The following PRMT8 variants were observed in gnomAD, a reference collection of about 807,000 sequenced individuals.
The protein encoded by PRMT8 is protein arginine methyltransferase 8.
Under a neutral mutation model 47.1 loss-of-function variants are expected in PRMT8, and 7 were observed. That is an observed-to-expected ratio of 0.15 (90% CI 0.08 to 0.28). PRMT8 has a LOEUF of 0.28. Among genes scored for constraint, PRMT8 ranks in the 10% least tolerant of loss-of-function variants. The probability of loss-of-function intolerance (pLI) is 1.00; values close to 1 mark genes in which losing one functional copy is unlikely to be tolerated. For missense variants in PRMT8, 237 were observed against 505.4 expected (o/e 0.47, Z 5.09); for synonymous variants, 188 against 186.5 (o/e 1.01, Z -0.07).
At chr12:3,506,755 G>T (rs552112842) in intron 1 of PRMT8, among the ~76,000 whole-genome samples, 1 of 152,140 alleles carries the variant, frequency 6.6e-6, no homozygotes, top group Non-Finnish European at 1.5e-5. Context: ...GCTGTCTCAG[G>T]CTTCTCTCAG....
At chr12:3,403,769 C>T (rs767252571) in intron 1 of PRMT8, among the ~76,000 whole-genome samples, 3 of 147,328 alleles carry the variant, frequency 2.0e-5, no homozygotes, top group Non-Finnish European at 4.5e-5. Flanking sequence ...CCCAGCTACT[C>T]GGGAAGCTGA....
chr12:3,426,978 G>T (rs1864612423), intron 1 of PRMT8, among the ~76,000 whole-genome samples: 1 of 152,106 alleles, frequency 6.6e-6, no homozygotes, highest in South Asian at 2.1e-4. Flanking sequence ...TCTAGGGGTG[G>T]TGCATGTGCT....
chr12:3,421,419 G>GT (rs1864539473), intron 1 of PRMT8, among the ~76,000 whole-genome samples: 1 of 152,208 alleles, frequency 6.6e-6, no homozygotes, highest in Non-Finnish European at 1.5e-5. Context: ...CATCCTGCCG[G>GT]GGGGTGGGGT....
Position 3,436,331 on chromosome 12 carries a change from C to T in PRMT8, c.48+54889C>T, listed in dbSNP as rs534164697. Among the ~76,000 whole-genome samples the T allele has an allele frequency of 6.6e-6, 1 of 152,294 alleles. No individual in the cohort carries two copies. Among genetic ancestry groups the T allele is most frequent in the African/African-American group, 2.4e-5 (1 of 41,558 alleles). The stretch of plus-strand genomic sequence containing the variant: ...AACCTCTTAATACAGTTACCACAGA[C>T]ACAGTGAGTGACTTTCAAGTTCATG... On this transcript the variant is annotated intron_variant, in intron 1 of 9. Coordinates refer to the PRMT8 transcript ENST00000452611. The surrounding 1 kb of genome is among the most constrained non-coding windows in gnomAD (Gnocchi z 4.2).
At position 3,514,678 on chromosome 12, in the gene PRMT8, G is replaced by A. The variant is rs2335989; in HGVS notation, c.75+22978G>A. Among the ~76,000 whole-genome samples, 15,680 of 151,072 alleles carry A rather than the reference G, an allele frequency of 0.1. 1,023 individuals carry two copies. Among genetic ancestry groups the A allele is most frequent in the African/African-American group, 0.18 (7,596 of 41,278 alleles). On this transcript the variant is annotated intron_variant, in intron 1 of 9. Coordinates refer to ENST00000382622, the MANE Select transcript of PRMT8 (RefSeq NM_019854.5). The surrounding 1 kb of genome is among the most constrained non-coding windows in gnomAD (Gnocchi z 5.9). ...TTCCGGCTGGGTTCTGCCTGTGGGC[G>A]ACAGGAGCACCAGTGGGAGGGCAAC...
intron 1 of PRMT8, among the ~76,000 whole-genome samples, chr12:3,532,700 G>A (rs1469934668): frequency 6.7e-6 from 1 of 149,154 alleles, no homozygotes; most frequent in Non-Finnish European, 1.5e-5. Flanking sequence ...TTTTCTAGGA[G>A]TACCAATTAT....
At chr12:3,592,209 C>T in intron 8 of PRMT8, 22 bp from the exon 9 acceptor site, 1 of 1,549,180 alleles carries the variant, frequency 6.5e-7, no homozygotes, top group Non-Finnish European at 8.7e-7. Flanking sequence ...CTTCCCACCT[C>T]CCCTGTTCTC....
intron 1 of PRMT8, among the ~76,000 whole-genome samples, chr12:3,506,952 C>G (rs1215424517): frequency 6.6e-6 from 1 of 152,060 alleles, no homozygotes; most frequent in Non-Finnish European, 1.5e-5. Context: ...CTTCTTGGCG[C>G]TAAATCCTGC....
intron 4 of PRMT8, among the ~76,000 whole-genome samples, chr12:3,561,920 G>A (rs556738536): frequency 3.3e-5 from 5 of 152,270 alleles, no homozygotes; most frequent in African/African-American, 1.2e-4. Context: ...GTGGCACTCT[G>A]GAGTCAGCAC....
chr12:3,461,824 C>T (rs1865045278), intron 1 of PRMT8, among the ~76,000 whole-genome samples: 1 of 152,082 alleles, frequency 6.6e-6, no homozygotes, highest in East Asian at 1.9e-4. Flanking sequence ...AAGACTCTGT[C>T]CCAGATACCC....
intron 6 of PRMT8, among the ~76,000 whole-genome samples, chr12:3,573,211 T>G (rs1472093134): frequency 6.6e-6 from 1 of 152,220 alleles, no homozygotes; most frequent in Non-Finnish European, 1.5e-5. Flanking sequence ...TGGATCATTT[T>G]TATTGCCCCG....
upstream of PRMT8, among the ~76,000 whole-genome samples, chr12:3,489,680 G>T (rs1034834199): frequency 3.9e-5 from 6 of 152,054 alleles, no homozygotes; most frequent in African/African-American, 1.5e-4. Context: ...TCTGCATGTT[G>T]ACAGAACGGG....
intron 1 of PRMT8, among the ~76,000 whole-genome samples, chr12:3,421,525 C>T (rs948944232): frequency 1.3e-5 from 2 of 152,170 alleles, no homozygotes; most frequent in Non-Finnish European, 2.9e-5. Flanking sequence ...CCATCTGTCA[C>T]GTGAAATGGT....
At chr12:3,428,374 T>A (rs1864630250) in intron 1 of PRMT8, among the ~76,000 whole-genome samples, 1 of 152,172 alleles carries the variant, frequency 6.6e-6, no homozygotes, top group African/African-American at 2.4e-5. Context: ...GACAATGATG[T>A]TTCCTCTAAA....
At position 3,552,627 on chromosome 12, in the gene PRMT8, C is replaced by G. The variant is rs1301524805; in HGVS notation, c.418-1024C>G. On this transcript the variant is annotated intron_variant, in intron 3 of 9. Transcript: ENST00000382622. This position sits in a 1 kb window ranked among gnomAD's most constrained non-coding sequence, Gnocchi z 4.5. The stretch of plus-strand genomic sequence containing the variant: ...GGCAGCCCAGGAAAGGGCTGGTTCT[C>G]CTGGGACCTGCACCCTGGCTGGAGT... 2 of 420,496 alleles carry G rather than the reference C, an allele frequency of 4.8e-6. No individual in the cohort carries two copies. The highest frequency in any genetic ancestry group is 9.7e-6 in the Non-Finnish European group (2 of 206,656). The allele number at this position is 420,496 out of a possible 1,614,324, so 26.0% of individuals were successfully genotyped here. A position where few individuals can be genotyped will look rare whatever the true frequency, so the allele number is the denominator to read the frequency against.
intron 1 of PRMT8, among the ~76,000 whole-genome samples, chr12:3,384,447 A>G (rs1864121106): frequency 6.6e-6 from 1 of 152,224 alleles, no homozygotes; most frequent in African/African-American, 2.4e-5. Context: ...CCAGATTAAA[A>G]TTTGATTAAA....
intron 1 of PRMT8, among the ~76,000 whole-genome samples, chr12:3,444,310 G>A (rs554580942): frequency 3.9e-5 from 6 of 152,200 alleles, no homozygotes; most frequent in African/African-American, 1.2e-4. Context: ...TGACTCTGCC[G>A]CCTTGCTTTT....
At chr12:3,511,765 A>G (rs1194513102) in intron 1 of PRMT8, among the ~76,000 whole-genome samples, 2 of 152,144 alleles carry the variant, frequency 1.3e-5, no homozygotes, top group African/African-American at 4.8e-5. Context: ...ATAACCTTAC[A>G]TAGGTGTCAA....
Position 3,493,251 on chromosome 12 carries a change from G to A in PRMT8, c.75+1551G>A, listed in dbSNP as rs1426779657. ...GCCCCCACCTGAGAGCAGACATTCG[G>A]AATGATGTGTAGTGCGAGGCGGCTA... On this transcript the variant is annotated intron_variant, in intron 1 of 9. Transcript: ENST00000382622. This position sits in a 1 kb window ranked among gnomAD's most constrained non-coding sequence, Gnocchi z 8.2. Among the ~76,000 whole-genome samples, 1 of 152,128 alleles carries A rather than the reference G, an allele frequency of 6.6e-6. No individual in the cohort carries two copies. Among genetic ancestry groups the A allele is most frequent in the South Asian group, 2.1e-4 (1 of 4,816 alleles).
Sources: gnomAD v4.1 joint callset for allele counts (sites outside exome capture counted in the v4.1 genomes callset) on GRCh38, gnomAD v4.1.1 for gene constraint, Gnocchi (gnomAD v3.1) non-coding constraint, MANE v1.5 for transcripts, NCBI Gene and HGNC (gene_info 2026-07-23, HGNC 2026-07-21) for gene names.